Variants in SAMD12 observed in about 807,000 individuals in gnomAD.
The protein encoded by SAMD12 is sterile alpha motif domain-containing protein 12.
Under a neutral mutation model 15.0 loss-of-function variants are expected in SAMD12, and 9 were observed. The ratio of observed to expected loss-of-function variants is 0.60; its 90% confidence interval spans 0.36 to 1.05. SAMD12 has a LOEUF of 1.05. SAMD12 is among the 50% of genes least tolerant of loss of function. The pLI is 0.01. For missense variants in SAMD12, 230 were observed against 234.2 expected, an observed-to-expected ratio of 0.98 and a Z score of 0.12; for synonymous variants, 86 against 90.1, an observed-to-expected ratio of 0.96 and a Z score of 0.25.
intron 4 of SAMD12, among the ~76,000 whole-genome samples, chr8:118,264,162 A>G (rs1813147011): frequency 6.6e-6 from 1 of 152,110 alleles, no homozygotes; most frequent in Non-Finnish European, 1.5e-5. Flanking sequence ...TAGTTCCTGG[A>G]TAACCATCCT....
intron 3 of SAMD12, among the ~76,000 whole-genome samples, chr8:118,417,758 T>C (rs1309080550): frequency 6.6e-6 from 1 of 152,202 alleles, no homozygotes; most frequent in Non-Finnish European, 1.5e-5. Flanking sequence ...AAGATATAAA[T>C]GGGTACTGAA....
chr8:118,136,001 T>A, the SAMD12 span, among the ~76,000 whole-genome samples: 1 of 152,018 alleles, frequency 6.6e-6, no homozygotes, highest in Admixed American at 6.6e-5. Context: ...GTTCTTTCCA[T>A]CTGAAACTTT....
At chr8:118,260,228 A>T (rs1813046431) in intron 4 of SAMD12, among the ~76,000 whole-genome samples, 1 of 152,042 alleles carries the variant, frequency 6.6e-6, no homozygotes, top group Admixed American at 6.6e-5. Context: ...TTTCTAAATA[A>T]GCTTTATATA....
chr8:118,546,159 C>G (rs181066204), intron 2 of SAMD12, among the ~76,000 whole-genome samples: 1 of 152,296 alleles, frequency 6.6e-6, no homozygotes, highest in Non-Finnish European at 1.5e-5. Context: ...GCACAGGGTA[C>G]TATCAGAGAA....
intron 2 of SAMD12, among the ~76,000 whole-genome samples, chr8:118,446,257 A>C (rs142078937): frequency 3.3e-5 from 5 of 149,292 alleles, no homozygotes; most frequent in African/African-American, 1.2e-4. Context: ...TTTTTCTCTT[A>C]ATTTGCCCAC....
chr8:118,441,839 AC>A (rs1422543107), intron 2 of SAMD12, among the ~76,000 whole-genome samples: 3 of 152,116 alleles, frequency 2.0e-5, no homozygotes, highest in Non-Finnish European at 4.4e-5. Flanking sequence ...TGCCTGATTC[AC>A]TCTCTGGCAC....
intron 3 of SAMD12, among the ~76,000 whole-genome samples, chr8:118,430,432 G>A (rs149133620): frequency 2.7e-5 from 4 of 150,600 alleles, no homozygotes; most frequent in African/African-American, 9.7e-5. Context: ...GCATGATCTC[G>A]GCTCACTGCA....
exon 5 of SAMD12, chr8:118,197,591 A>G: frequency 1.1e-6 from 1 of 901,480 alleles, no homozygotes; most frequent in Non-Finnish European, 1.9e-6. Context: ...CAGTTAATCC[A>G]GTTAATCTGT....
downstream of SAMD12, among the ~76,000 whole-genome samples, chr8:118,374,869 T>G (rs1267953266): frequency 6.6e-6 from 1 of 152,002 alleles, no homozygotes; most frequent in Non-Finnish European, 1.5e-5. Context: ...TCTTATATAT[T>G]CTGGATATTA....
intron 3 of SAMD12, among the ~76,000 whole-genome samples, chr8:118,405,306 T>C (rs1447321755): frequency 6.6e-6 from 1 of 152,274 alleles, no homozygotes; most frequent in East Asian, 1.9e-4. Flanking sequence ...AATAATCCAA[T>C]GTCCCTCAGC....
chr8:118,549,573 G>C (rs376474849), intron 2 of SAMD12, among the ~76,000 whole-genome samples: 1 of 152,138 alleles, frequency 6.6e-6, no homozygotes, highest in African/African-American at 2.4e-5. Flanking sequence ...AAACCACAAA[G>C]ATGGGGAAAA....
At chr8:118,288,638 A>G (rs1022321278) in intron 4 of SAMD12, among the ~76,000 whole-genome samples, 1 of 152,232 alleles carries the variant, frequency 6.6e-6, no homozygotes, top group African/African-American at 2.4e-5. Flanking sequence ...ATATAATTAT[A>G]CAAGAACAGA....
At chr8:118,579,085 A>G (rs1275308507) in intron 2 of SAMD12, among the ~76,000 whole-genome samples, 1 of 152,216 alleles carries the variant, frequency 6.6e-6, no homozygotes, top group African/African-American at 2.4e-5. Flanking sequence ...CAGAAATAAA[A>G]TCATATCAGA....
At chr8:118,210,602 G>T (rs1322732173) in intron 4 of SAMD12, among the ~76,000 whole-genome samples, 3 of 152,126 alleles carry the variant, frequency 2.0e-5, no homozygotes, top group African/African-American at 7.2e-5. Flanking sequence ...AAAAAAACAA[G>T]AAAACAACTT....
intron 2 of SAMD12, among the ~76,000 whole-genome samples, chr8:118,460,438 CAT>C (rs1401704767): frequency 6.6e-6 from 1 of 151,962 alleles, no homozygotes; most frequent in African/African-American, 2.4e-5. Flanking sequence ...GAGAGAGAAA[CAT>C]AATTTTAGGT....
At chr8:118,133,084 T>A in the SAMD12 span, among the ~76,000 whole-genome samples, 6 of 144,388 alleles carry the variant, frequency 4.2e-5, no homozygotes, top group South Asian at 4.4e-4. Flanking sequence ...ATTGAAAAAA[T>A]TGGGTTTTAT....
chr8:118,396,893 G>C (rs1820601227), intron 3 of SAMD12, among the ~76,000 whole-genome samples: 1 of 152,154 alleles, frequency 6.6e-6, no homozygotes, highest in South Asian at 2.1e-4. Context: ...GGGAAATTTT[G>C]CATGCAGAAT....
intron 4 of SAMD12, among the ~76,000 whole-genome samples, chr8:118,241,727 T>C (rs974237334): frequency 6.6e-6 from 1 of 152,114 alleles, no homozygotes; most frequent in Non-Finnish European, 1.5e-5. Flanking sequence ...GCTCACCTAC[T>C]CTTCAAAGTT....
intron 3 of SAMD12, among the ~76,000 whole-genome samples, chr8:118,403,146 A>G (rs1019691282): frequency 3.3e-5 from 5 of 152,234 alleles, no homozygotes; most frequent in Admixed American, 2.6e-4. Context: ...GGAATGCTGC[A>G]TCTTCATGAC....
Sources: allele counts gnomAD v4.1 joint callset (sites outside exome capture counted in the v4.1 genomes callset), GRCh38; gene constraint gnomAD v4.1.1; transcripts MANE v1.5; gene names NCBI Gene and HGNC (gene_info 2026-07-23, HGNC 2026-07-21).